Variants in EMX1 observed in about 807,000 individuals in gnomAD.
EMX1 encodes empty spiracles homeobox 1.
In EMX1, 10 loss-of-function variants were observed where a neutral mutation model predicts 20.1. That is an observed-to-expected ratio of 0.50 (90% CI 0.31 to 0.84). The LOEUF (loss-of-function observed/expected upper bound fraction) is 0.84. EMX1 is among the 40% of genes least tolerant of loss of function. EMX1 has a pLI of 0.05. For missense variants in EMX1, 424 were observed against 431.9 expected, an observed-to-expected ratio of 0.98 and a Z score of 0.16; for synonymous variants, 250 against 200.4, an observed-to-expected ratio of 1.25 and a Z score of -2.09.
intron 1 of EMX1, among the ~76,000 whole-genome samples, chr2:72,923,037 T>C (rs373535839): frequency 2.6e-5 from 4 of 152,212 alleles, no homozygotes; most frequent in Non-Finnish European, 2.9e-5. Flanking sequence ...GGGCCTGTTA[T>C]GAGTCTGTTA....
At chr2:72,921,021 C>G (rs1671094099) in intron 1 of EMX1, among the ~76,000 whole-genome samples, 1 of 152,188 alleles carries the variant, frequency 6.6e-6, no homozygotes, top group Admixed American at 6.5e-5. Flanking sequence ...TCTCCCTCTC[C>G]TAGCCCTAGG....
rs1021998002 is a variant in EMX1, at chr2:72,934,274, C to T, written c.*320C>T. The T allele has an allele frequency of 3.3e-6, 1 of 306,948 alleles. No individual in the cohort carries two copies. The highest frequency in any genetic ancestry group is 4.7e-5 in the Admixed American group (1 of 21,152). The allele number at this position is 306,948 out of a possible 1,614,324, so 19.0% of individuals were successfully genotyped here. A position where few individuals can be genotyped will look rare whatever the true frequency, so the allele number is the denominator to read the frequency against. ...TGCATTTCTGTTTTAATTTATTTTC[C>T]AGGCACCACTGTAGTTTAGTGATCC... On this transcript the variant is annotated 3_prime_UTR_variant, in exon 3 of 3. Coordinates refer to ENST00000258106, the MANE Select transcript of EMX1 (RefSeq NM_004097.3).
chr2:72,919,173 C>T (rs1446330158), intron 1 of EMX1, among the ~76,000 whole-genome samples: 2 of 135,480 alleles, frequency 1.5e-5, no homozygotes, highest in Admixed American at 7.4e-5. Context: ...AGATCCTCCA[C>T]TGGCCCTACA....
rs1671029909 is a variant in EMX1 at position 72,918,291 on chromosome 2, T to C, written c.439T>C (p.Phe147Leu). ...GASPLQPPHS[F>L]FGAQHRDPLH... ...CTCCCCGCTGCAGCCCCCGCACTCC[T>C]TCTTCGGCGCCCAGCACCGGGACCC... The change falls in exon 1 of 3, where the codon TTC becomes CTC. Residue 147 changes from phenylalanine to leucine, a missense_variant. Physicochemically the swap from Phe to Leu is conservative, Grantham distance 22. This residue lies in a region of EMX1 where 333 missense variants were observed against 296.6 expected (regional missense o/e 1.12). Transcript: ENST00000258106. 2.5e-6 allele frequency: 4 copies of C among 1,575,278 alleles called. No homozygotes were observed. The Admixed American group carries it at 7.0e-5, about 28-fold the overall frequency.
chr2:72,917,862 G>A lies in EMX1; in HGVS notation c.10G>A (p.Ala4Thr). 6.8e-7 allele frequency: 1 copy of A among 1,466,688 alleles called. No individual in the cohort carries two copies. 90.9% of individuals were successfully genotyped at this position (1,466,688 alleles called of 1,614,324 possible). MCL[A>T]GCTPRKAAAP... ...GTGCGGGCGGGTGTGCATGTGCCTG[G>A]CTGGGTGCACACCCCGCAAGGCGGC... is the stretch of plus-strand genomic sequence containing the variant. Residue 4 changes from alanine to threonine, a missense_variant, in exon 1 of 3, where the codon GCT (alanine) becomes ACT (threonine). Physicochemically the swap from Ala to Thr is moderately conservative, Grantham distance 58. Coordinates refer to ENST00000258106, the MANE Select transcript of EMX1 (RefSeq NM_004097.3).
chr2:72,916,912 T>C, upstream of EMX1: 1 of 717,344 alleles, frequency 1.4e-6, no homozygotes. Context: ...GTGGGACCGC[T>C]CCGGCGGCTT....
At chr2:72,922,761 A>G (rs1372721995) in intron 1 of EMX1, among the ~76,000 whole-genome samples, 4 of 152,264 alleles carry the variant, frequency 2.6e-5, no homozygotes, top group Non-Finnish European at 4.4e-5. Context: ...AGTTTTAGCT[A>G]CAGCATCTCA....
chr2:72,927,365 T>A (rs186712450), intron 2 of EMX1, among the ~76,000 whole-genome samples: 22 of 152,332 alleles, frequency 1.4e-4, no homozygotes, highest in Admixed American at 7.8e-4. Context: ...TTTCTGTATC[T>A]GTGAGATTGA....
chr2:72,923,392 CAT>C (rs760136417), intron 1 of EMX1: 6 of 152,328 alleles, frequency 3.9e-5, no homozygotes, highest in East Asian at 1.9e-4. Context: ...TATTTATACA[CAT>C]GTTTCTTTAG....
At chr2:72,918,492 C>A in intron 1 of EMX1, 120 bp downstream of exon 1, 3 of 1,264,824 alleles carry the variant, frequency 2.4e-6, no homozygotes, top group Non-Finnish European at 3.0e-6. Flanking sequence ...GCTGCAGGTC[C>A]GCGGAGGTAG....
chr2:72,925,649 C>G, intron 2 of EMX1: 1 of 1,169,626 alleles, frequency 8.5e-7, no homozygotes, highest in South Asian at 1.6e-5. Context: ...AAGTCCCGGG[C>G]AGTGAGAAGA....
chr2:72,929,374 G>A (rs1293373913), intron 2 of EMX1, among the ~76,000 whole-genome samples: 5 of 152,292 alleles, frequency 3.3e-5, no homozygotes, highest in Admixed American at 6.5e-5. Flanking sequence ...AGACAGGGAG[G>A]CTTAGGGAGA....
At position 72,918,294 on chromosome 2, in the gene EMX1, T is replaced by A; in HGVS notation, c.442T>A (p.Phe148Ile). Residue 148 changes from phenylalanine (F) to isoleucine (I), a missense_variant, in exon 1 of 3, where the codon TTC becomes ATC. Physicochemically the swap from Phe to Ile is conservative, Grantham distance 21 (BLOSUM62 0). Transcript: ENST00000258106. Reference sequence around the variant, plus strand: ...CCCGCTGCAGCCCCCGCACTCCTTCTTCGGCGCCCAGCACCGGGACCCTCT... The same window carrying A: ...CCCGCTGCAGCCCCCGCACTCCTTCATCGGCGCCCAGCACCGGGACCCTCT... The part of the protein sequence containing the change: ...ASPLQPPHSF[F>I]GAQHRDPLHF... 6.4e-7 allele frequency: 1 copy of A among 1,574,786 alleles called. No individual in the cohort carries two copies. Among genetic ancestry groups the A allele is most frequent in the Non-Finnish European group, 8.5e-7 (1 of 1,171,294 alleles).
At chr2:72,925,508 C>G (rs1174276654) in intron 2 of EMX1, 8 of 1,288,832 alleles carry the variant, frequency 6.2e-6, no homozygotes, top group Non-Finnish European at 8.1e-6. Context: ...ATTTCAGTCT[C>G]TGCGTGCCGG....
Position 72,917,967 on chromosome 2 carries a change from G to C in EMX1, c.115G>C (p.Ala39Pro). The C allele has an allele frequency of 1.1e-5, 17 of 1,487,608 alleles. No individual in the cohort carries two copies. The highest frequency in any genetic ancestry group is 1.5e-5 in the Non-Finnish European group (17 of 1,126,504). 92.2% of individuals were successfully genotyped at this position (1,487,608 alleles called of 1,614,324 possible). Residue 39 changes from alanine (A) to proline (P), a missense_variant, in exon 1 of 3, where the codon GCC becomes CCC. By Grantham distance (27) the Ala-to-Pro change is conservative (BLOSUM62 -1). Transcript: ENST00000258106. ...GGCTGCGACCATGTTCCAGCCCGCG[G>C]CCAAGCGCGGCTTTACCATAGAGTC... ...PAAATMFQPAAKRGFTIESLV... is the reference protein window; with the variant it reads ...PAAATMFQPAPKRGFTIESLV...
upstream of EMX1, chr2:72,917,356 G>C (rs960061775): frequency 2.6e-5 from 9 of 350,308 alleles, no homozygotes; most frequent in African/African-American, 1.9e-4. Context: ...CAGTGGCGAG[G>C]GGAGGAGGAG....
chr2:72,933,679 C>T, intron 2 of EMX1, 108 bp from the exon 3 acceptor site: 1 of 1,435,852 alleles, frequency 7.0e-7, no homozygotes. Context: ...CCCTATGTAG[C>T]CTCAGTCTTC....
upstream of EMX1, chr2:72,916,271 C>A (rs113107547): frequency 1.0e-5 from 2 of 200,700 alleles, no homozygotes; most frequent in Non-Finnish European, 2.0e-5. Context: ...AGTTGCGCGG[C>A]GCACGGACCC....
In EMX1 at chr2:72,917,881, A is replaced by AGGC. The variant is rs1289631508; in HGVS notation, c.37_39dup (p.Ala13dup). 6.8e-7 allele frequency: 1 copy of AGGC among 1,478,458 alleles called. No individual in the cohort carries two copies. Among genetic ancestry groups the AGGC allele is most frequent in the Non-Finnish European group, 8.9e-7 (1 of 1,122,126 alleles). 91.6% of individuals were successfully genotyped at this position (1,478,458 alleles called of 1,614,324 possible). A position where few individuals can be genotyped will look rare whatever the true frequency, so the allele number is the denominator to read the frequency against. On this transcript the variant is annotated inframe_insertion, in exon 1 of 3. Transcript: ENST00000258106. ...TGCCTGGCTGGGTGCACACCCCGCA[A>AGGC]GGCGGCGGCGCCAGGACGCGGAGCG...
Sources: gnomAD v4.1 joint callset for allele counts (sites outside exome capture counted in the v4.1 genomes callset) on GRCh38, gnomAD v4.1.1 for gene constraint, gnomAD v4.1.1 regional missense constraint, MANE v1.5 for transcripts, NCBI Gene and HGNC (gene_info 2026-07-23, HGNC 2026-07-21) for gene names.